The following PPP2R2D variants were observed in gnomAD, a reference collection of about 807,000 sequenced individuals.
PPP2R2D encodes the protein serine/threonine-protein phosphatase 2A 55 kDa regulatory subunit B delta isoform.
PPP2R2D carries 9 observed loss-of-function variants against 31.1 expected under a neutral mutation model. That is an observed-to-expected ratio of 0.29 (90% CI 0.17 to 0.51). The LOEUF (loss-of-function observed/expected upper bound fraction) is 0.51. Among genes scored for constraint, PPP2R2D ranks in the 20% least tolerant of loss-of-function variants. The pLI, the probability that PPP2R2D is intolerant of heterozygous loss-of-function variation, is 0.98. For synonymous variants in PPP2R2D, 179 were observed against 172.6 expected (o/e 1.04, Z -0.29); for missense variants, 391 against 465.6 (o/e 0.84, Z 1.48).
chr10:131,937,967 T>C (rs1463154132), intron 3 of PPP2R2D, among the ~76,000 whole-genome samples: 1 of 151,904 alleles, frequency 6.6e-6, no homozygotes, highest in African/African-American at 2.4e-5. Context: ...GTTGAAGGAA[T>C]GCAGGAATGC....
downstream of PPP2R2D, among the ~76,000 whole-genome samples, chr10:131,961,874 C>T (rs1258853038): frequency 3.3e-5 from 5 of 152,178 alleles, no homozygotes; most frequent in Admixed American, 3.3e-4. Flanking sequence ...AGTCTCCCAC[C>T]CCATCTGCTC....
chr10:131,930,237 C>T (rs1209562486), intron 2 of PPP2R2D, among the ~76,000 whole-genome samples: 2 of 151,594 alleles, frequency 1.3e-5, no homozygotes, highest in East Asian at 1.9e-4. Context: ...TTTTTTTTAG[C>T]AAACACTTCA....
At position 131,954,087 on chromosome 10, in the gene PPP2R2D, T is replaced by C. The variant is rs371010402; in HGVS notation, c.1083-1597T>C. Among the ~76,000 whole-genome samples, 10 of 152,316 alleles carry C rather than the reference T, an allele frequency of 6.6e-5. No homozygotes were observed. The East Asian group carries it at 7.7e-4, about 12-fold the overall frequency. On this transcript the variant is annotated intron_variant, in intron 8 of 8. Coordinates refer to ENST00000455566, the MANE Select transcript of PPP2R2D (RefSeq NM_018461.5). ...CTAGGTCGCCCCACAGAACCAGTTA[T>C]GTGCTTACGCCTGTGTCTCTGTCTG... is the stretch of plus-strand genomic sequence containing the variant.
At chr10:131,910,600 C>T (rs1019174972) in intron 2 of PPP2R2D, among the ~76,000 whole-genome samples, 2 of 152,094 alleles carry the variant, frequency 1.3e-5, no homozygotes, top group African/African-American at 4.8e-5. Flanking sequence ...AAATGGCATT[C>T]CATGAAAAAA....
Position 131,957,464 on chromosome 10 carries a change from ATTCCT to A in PPP2R2D, c.*1502_*1506del, listed in dbSNP as rs2036822633. The A allele has an allele frequency of 6.7e-6, 1 of 149,224 alleles. No individual in the cohort carries two copies. 9.2% of individuals were successfully genotyped at this position (149,224 alleles called of 1,614,324 possible). ...CCTGTCTAGATGAAGGTGTGTGCTGATTCCTCATGCCCCTGTCTGGATGAAGGTGT... is the reference window on the plus strand; with the variant it reads ...CCTGTCTAGATGAAGGTGTGTGCTGACATGCCCCTGTCTGGATGAAGGTGT... On this transcript the variant is annotated 3_prime_UTR_variant, in exon 9 of 9. Coordinates refer to ENST00000455566, the MANE Select transcript of PPP2R2D (RefSeq NM_018461.5).
chr10:131,955,577 G>A (rs1172106385), intron 8 of PPP2R2D, 107 bp from the exon 9 acceptor site: 1 of 980,726 alleles, frequency 1.0e-6, no homozygotes, highest in East Asian at 3.0e-5. Context: ...AAGTAACTGG[G>A]TTGTGGGGGA....
chr10:131,951,778 C>T (rs1554898792), intron 8 of PPP2R2D, among the ~76,000 whole-genome samples: 1 of 152,108 alleles, frequency 6.6e-6, no homozygotes. Flanking sequence ...TGAGATTGTG[C>T]CACTGCACTC....
In PPP2R2D at chr10:131,944,081, A is replaced by T; in HGVS notation, c.591A>T (p.Thr197=). 1 of 1,611,682 alleles carries T rather than the reference A, an allele frequency of 6.2e-7. No individual in the cohort carries two copies. The highest frequency in any genetic ancestry group is 8.5e-7 in the Non-Finnish European group (1 of 1,178,080). ...TTTCAGTAAATAGTGATCATGAAAC[A>T]TATCTTTCTGCAGATGACCTGAGAA... The part of the protein sequence containing the change: ...NSISVNSDHE[T]YLSADDLRIN... Residue 197 remains threonine (T), a synonymous_variant, in exon 6 of 9, where the codon ACA becomes ACT. Coordinates refer to ENST00000455566, the MANE Select transcript of PPP2R2D (RefSeq NM_018461.5).
At chr10:131,905,434 T>A (rs1220301347) in intron 2 of PPP2R2D, among the ~76,000 whole-genome samples, 3 of 152,216 alleles carry the variant, frequency 2.0e-5, no homozygotes, top group African/African-American at 7.2e-5. Flanking sequence ...CAGCATGTGA[T>A]GTGTTTTGCA....
intron 2 of PPP2R2D, among the ~76,000 whole-genome samples, chr10:131,905,308 C>T (rs974969823): frequency 4.6e-5 from 7 of 152,154 alleles, no homozygotes; most frequent in Non-Finnish European, 8.8e-5. Context: ...CACGATGTTG[C>T]GGTTCTAAAC....
At chr10:131,916,225 G>A (rs1447820312) in intron 2 of PPP2R2D, among the ~76,000 whole-genome samples, 1 of 152,164 alleles carries the variant, frequency 6.6e-6, no homozygotes. Context: ...CCAGAGGCGG[G>A]CTCTGTGGAG....
chr10:131,936,724 T>G (rs541877614), intron 3 of PPP2R2D, among the ~76,000 whole-genome samples: 1 of 152,246 alleles, frequency 6.6e-6, no homozygotes, highest in South Asian at 2.1e-4. Context: ...AAGTGCTTTT[T>G]TAAGATGAAG....
At chr10:131,926,005 G>A (rs1430047861) in intron 2 of PPP2R2D, among the ~76,000 whole-genome samples, 1 of 152,132 alleles carries the variant, frequency 6.6e-6, no homozygotes, top group African/African-American at 2.4e-5. Flanking sequence ...GTTAAGGGAC[G>A]GGATTTTTCA....
chr10:131,913,793 G>C (rs1446300591), intron 2 of PPP2R2D, among the ~76,000 whole-genome samples: 1 of 152,208 alleles, frequency 6.6e-6, no homozygotes, highest in African/African-American at 2.4e-5. Context: ...CTCAGAGGCA[G>C]GGGCAACCAT....
intron 6 of PPP2R2D, among the ~76,000 whole-genome samples, chr10:131,944,521 T>C (rs557135877): frequency 4.6e-5 from 7 of 152,342 alleles, no homozygotes; most frequent in African/African-American, 1.7e-4. Flanking sequence ...ATCACCCATC[T>C]GAGCAGCAGC....
At chr10:131,907,201 T>C (rs1482344313) in intron 2 of PPP2R2D, among the ~76,000 whole-genome samples, 1 of 152,058 alleles carries the variant, frequency 6.6e-6, no homozygotes, top group African/African-American at 2.4e-5. Context: ...CATTTATATT[T>C]TTTTTTTGGT....
At chr10:131,934,294 A>G (rs1324196905) in intron 2 of PPP2R2D, among the ~76,000 whole-genome samples, 164 bp from the exon 3 acceptor site, 1 of 151,990 alleles carries the variant, frequency 6.6e-6, no homozygotes, top group Non-Finnish European at 1.5e-5. Flanking sequence ...CAGAACCAAT[A>G]AGTGGCCACT....
intron 5 of PPP2R2D, 94 bp downstream of exon 5, chr10:131,940,788 G>C (rs1465354708): frequency 3.1e-6 from 2 of 653,742 alleles, no homozygotes; most frequent in Non-Finnish European, 5.6e-6. Flanking sequence ...GTGGAGTACT[G>C]TGAGGTCTGC....
chr10:131,940,193 A>G lies in PPP2R2D; in HGVS notation c.361A>G (p.Asn121Asp), dbSNP rs782475271. The G allele has an allele frequency of 9.5e-6, 7 of 737,522 alleles. No individual in the cohort carries two copies. The highest frequency in any genetic ancestry group is 2.5e-6 in the Non-Finnish European group (1 of 399,266). The allele number at this position is 737,522 out of a possible 1,614,324, so 45.7% of individuals were successfully genotyped here. A position where few individuals can be genotyped will look rare whatever the true frequency, so the allele number is the denominator to read the frequency against. The change falls in exon 4 of 9, where the codon AAT becomes GAT. Residue 121 changes from asparagine to aspartate, a missense_variant. By Grantham distance (23) the Asn-to-Asp change is conservative (BLOSUM62 1). Transcript: ENST00000455566. ...QNAAHFLLST[N>D]DKTIKLWKIS... ...TGCTGCTCATTTTCTACTGTCTACAAATGGTAAGAATTGTGTTCTAAGTGG... is the reference window on the plus strand; with the variant it reads ...TGCTGCTCATTTTCTACTGTCTACAGATGGTAAGAATTGTGTTCTAAGTGG...
Sources: allele counts gnomAD v4.1 joint callset (sites outside exome capture counted in the v4.1 genomes callset), GRCh38; gene constraint gnomAD v4.1.1; transcripts MANE v1.5; gene names NCBI Gene and HGNC (gene_info 2026-07-23, HGNC 2026-07-21).